The following SNURF variants were observed in gnomAD, a reference collection of about 807,000 sequenced individuals.
The protein encoded by SNURF is SNRPN upstream open reading frame, also known as SNURF protein.
A neutral mutation model predicts 11.6 loss-of-function variants in SNURF; 6 were observed. The observed-to-expected ratio is 0.52, with a 90% CI of 0.28 to 1.02. The LOEUF (loss-of-function observed/expected upper bound fraction) is 1.02, where lower values mean the gene tolerates loss of function less well. SNURF is among the 50% of genes least tolerant of loss of function. The probability of loss-of-function intolerance (pLI) is 0.09; values close to 1 mark genes in which losing one functional copy is unlikely to be tolerated. For missense variants in SNURF, 84 were observed against 88.4 expected, an observed-to-expected ratio of 0.95 and a Z score of 0.20; for synonymous variants, 29 against 31.6, an observed-to-expected ratio of 0.92 and a Z score of 0.27.
At chr15:24,976,783 T>C (rs2077112008) in intron 5 of SNURF, 1 of 1,135,764 alleles carries the variant, frequency 8.8e-7, no homozygotes, top group Non-Finnish European at 1.3e-6. Context: ...ATAGGTGTCA[T>C]GGGAAAATGG....
chr15:24,963,807 G>A (rs1447850020), intron 2 of SNURF, among the ~76,000 whole-genome samples: 1 of 152,010 alleles, frequency 6.6e-6, no homozygotes, highest in African/African-American at 2.4e-5. Context: ...GGGAGGCTGA[G>A]GTGGATCACT....
At position 24,977,763 on chromosome 15, in the gene SNURF, G is replaced by A. The variant is rs755179082; in HGVS notation, c.*463-15G>A. 1.4e-5 allele frequency: 22 copies of A among 1,579,954 alleles called. 1 individual carries two copies. Among genetic ancestry groups the A allele is most frequent in the African/African-American group, 1.2e-4 (9 of 73,416 alleles). The stretch of plus-strand genomic sequence containing the variant: ...GTTTGCATCGCTTTGACTGTTTCCC[G>A]CCCTGCCTTCTCAGGTAATGACTCC... On this transcript the variant is annotated splice_polypyrimidine_tract_variant and intron_variant and NMD_transcript_variant, in intron 6 of 6. Coordinates refer to the SNURF transcript ENST00000580062.
chr15:24,958,523 A>AATAGACCAGGGTC (rs1156737700), intron 1 of SNURF, among the ~76,000 whole-genome samples: 5 of 87,490 alleles, frequency 5.7e-5, no homozygotes, highest in Non-Finnish European at 1.2e-4. Context: ...TTTTTTTTAA[A>AATAGACCAGGGTC]TAGACCAGGG....
At chr15:24,969,099 G>C (rs1035966437), downstream of SNURF, among the ~76,000 whole-genome samples, 2 of 151,880 alleles carry the variant, frequency 1.3e-5, no homozygotes, top group African/African-American at 4.8e-5. Flanking sequence ...AATCAGTTAG[G>C]CTTGTTTATG....
At chr15:24,978,111 T>G (rs937392069), downstream of SNURF, 93 of 1,434,224 alleles carry the variant, frequency 6.5e-5, no homozygotes, top group Non-Finnish European at 8.4e-5. Context: ...TCTGGCCCAT[T>G]TCTTTAGGGA....
At chr15:24,974,087 C>G (rs994223545) in intron 3 of SNURF, among the ~76,000 whole-genome samples, 1 of 152,046 alleles carries the variant, frequency 6.6e-6, no homozygotes, top group Admixed American at 6.5e-5. Context: ...TTAGGAATTA[C>G]TAGGTAAAAT....
downstream of SNURF, among the ~76,000 whole-genome samples, chr15:24,971,972 C>T (rs2076464410): frequency 6.6e-6 from 1 of 151,990 alleles, no homozygotes; most frequent in African/African-American, 2.4e-5. Flanking sequence ...ATGGATATTG[C>T]TGGCTGGGCG....
At chr15:24,976,089 A>G (rs968195320) in intron 4 of SNURF, among the ~76,000 whole-genome samples, 5 of 152,260 alleles carry the variant, frequency 3.3e-5, no homozygotes, top group Admixed American at 2.6e-4. Context: ...TCAAAGGAAC[A>G]TTCTGTAAAA....
At chr15:24,962,051 A>G in intron 1 of SNURF, 63 bp from the exon 2 acceptor site, 2 of 1,312,258 alleles carry the variant, frequency 1.5e-6, no homozygotes, top group East Asian at 4.6e-5. Context: ...TATAACCTTG[A>G]CAAATAGTTA....
At chr15:24,978,120 G>T, downstream of SNURF, 1 of 1,479,544 alleles carries the variant, frequency 6.8e-7, no homozygotes, top group Non-Finnish European at 9.3e-7. Context: ...TTTCTTTAGG[G>T]ATTATTTGGG....
At chr15:24,977,151 C>T (rs375973958) in intron 6 of SNURF, 34 of 692,394 alleles carry the variant, frequency 4.9e-5, no homozygotes, top group Middle Eastern at 4.1e-4. Flanking sequence ...TTAGGAGGAA[C>T]CAAAACACAG....
At chr15:24,974,462 C>T (rs573573776) in intron 3 of SNURF, 1 of 1,613,596 alleles carries the variant, frequency 6.2e-7, no homozygotes, top group Admixed American at 1.7e-5. Context: ...TCATGGTAAG[C>T]TGTATGATAA....
At chr15:24,964,765 A>G (rs2075370243) in intron 2 of SNURF, among the ~76,000 whole-genome samples, 1 of 152,074 alleles carries the variant, frequency 6.6e-6, no homozygotes, top group South Asian at 2.1e-4. Context: ...TATTTTTGTT[A>G]CAGTTTTTTT....
chr15:24,977,073 C>T (rs367732907), intron 6 of SNURF: 2 of 1,474,714 alleles, frequency 1.4e-6, no homozygotes, highest in Non-Finnish European at 1.8e-6. Context: ...GAGAATATGA[C>T]TAAGCCGGAG....
At chr15:24,971,292 G>A (rs547528274), downstream of SNURF, among the ~76,000 whole-genome samples, 13 of 152,114 alleles carry the variant, frequency 8.5e-5, no homozygotes, top group South Asian at 1.0e-3. Flanking sequence ...TACTCTCGTC[G>A]CCTTTCTCAT....
chr15:24,977,678 G>C, intron 6 of SNURF: 1 of 1,182,058 alleles, frequency 8.5e-7, no homozygotes, highest in Non-Finnish European at 1.2e-6. Context: ...CATTGCAACA[G>C]TTGTTTGTAA....
chr15:24,956,396 AG>A (rs1175483944), intron 1 of SNURF, among the ~76,000 whole-genome samples: 1 of 141,818 alleles, frequency 7.1e-6, no homozygotes, highest in Non-Finnish European at 1.5e-5. Context: ...GCCAGTGGGG[AG>A]GGGGCAGGTG....
chr15:24,973,225 G>C (rs78475481), downstream of SNURF, among the ~76,000 whole-genome samples: 5,776 of 152,062 alleles, frequency 0.038, 158 homozygotes, highest in Middle Eastern at 0.076. Context: ...AGTGTTCATA[G>C]TATGCAGGAT....
chr15:24,973,634 A>G (rs1466964720), downstream of SNURF, among the ~76,000 whole-genome samples: 1 of 152,134 alleles, frequency 6.6e-6, no homozygotes, highest in African/African-American at 2.4e-5. Context: ...TCTTGACCTC[A>G]GGTGATCCAC....
Sources: allele counts gnomAD v4.1 joint callset (sites outside exome capture counted in the v4.1 genomes callset), GRCh38; gene constraint gnomAD v4.1.1; transcripts MANE v1.5; gene names NCBI Gene and HGNC (gene_info 2026-07-23, HGNC 2026-07-21).